FRMD4A: variants seen among roughly 807,000 people sequenced by gnomAD.
The protein encoded by FRMD4A is FERM domain containing 4A, also known as FERM domain-containing protein 4A.
Under a neutral mutation model 129.1 loss-of-function variants are expected in FRMD4A, and 29 were observed. The observed-to-expected ratio is 0.22, with a 90% CI of 0.17 to 0.31. The LOEUF is 0.31. FRMD4A is among the 10% of genes least tolerant of loss of function. The probability of loss-of-function intolerance (pLI) is 1.00; values close to 1 mark genes in which losing one functional copy is unlikely to be tolerated. For missense variants in FRMD4A, 1,272 were observed against 1,375.8 expected (o/e 0.92, Z 1.19); for synonymous variants, 634 against 571.6 (o/e 1.11, Z -1.56).
At chr10:14,284,195 C>T (rs1845609231) in intron 2 of FRMD4A, among the ~76,000 whole-genome samples, 1 of 152,122 alleles carries the variant, frequency 6.6e-6, no homozygotes, top group Non-Finnish European at 1.5e-5. Flanking sequence ...TATTAGATTG[C>T]TAATACTGTT....
At chr10:13,847,431 G>A (rs565963267) in intron 3 of FRMD4A, among the ~76,000 whole-genome samples, 5 of 152,276 alleles carry the variant, frequency 3.3e-5, no homozygotes, top group Admixed American at 2.0e-4. Context: ...CAGACCGTTC[G>A]CTTCCTCCCT....
At chr10:13,878,776 G>A (rs2094515602) in intron 2 of FRMD4A, among the ~76,000 whole-genome samples, 3 of 135,662 alleles carry the variant, frequency 2.2e-5, no homozygotes, top group South Asian at 5.4e-4. Flanking sequence ...AAAAGAAAGA[G>A]AGAGAGAGAG....
intron 2 of FRMD4A, among the ~76,000 whole-genome samples, chr10:13,957,669 G>T (rs1397985120): frequency 2.0e-5 from 3 of 152,204 alleles, no homozygotes; most frequent in East Asian, 3.8e-4. Context: ...TTAGAATCTA[G>T]CTGGCAACTG....
At chr10:13,862,018 T>C (rs1281409636) in intron 2 of FRMD4A, among the ~76,000 whole-genome samples, 1 of 152,152 alleles carries the variant, frequency 6.6e-6, no homozygotes, top group Non-Finnish European at 1.5e-5. Context: ...TCAGTTCTCA[T>C]TGGAAAGAAC....
chr10:14,105,029 C>T (rs1035731072), intron 2 of FRMD4A, among the ~76,000 whole-genome samples: 2 of 152,322 alleles, frequency 1.3e-5, no homozygotes, highest in South Asian at 2.1e-4. Context: ...GCCGCAGGGC[C>T]CTTCCATCAT....
At chr10:14,315,585 C>T (rs543264017) in intron 2 of FRMD4A, among the ~76,000 whole-genome samples, 29 of 152,210 alleles carry the variant, frequency 1.9e-4, no homozygotes, top group African/African-American at 6.7e-4. Flanking sequence ...TGTTCTCTTG[C>T]CTAAAGTTTT....
At chr10:14,320,414 C>T (rs1253771381) in intron 2 of FRMD4A, among the ~76,000 whole-genome samples, 1 of 152,156 alleles carries the variant, frequency 6.6e-6, no homozygotes, top group East Asian at 1.9e-4. Flanking sequence ...TTTAACATTT[C>T]CTCCTGAATT....
chr10:14,188,757 T>G (rs1012975255), intron 2 of FRMD4A, among the ~76,000 whole-genome samples: 1 of 152,052 alleles, frequency 6.6e-6, no homozygotes, highest in South Asian at 2.1e-4. Flanking sequence ...ATCAAAAAAT[T>G]AGCTGAGCAC....
At chr10:14,006,179 T>A (rs1453264210) in intron 2 of FRMD4A, among the ~76,000 whole-genome samples, 1 of 152,174 alleles carries the variant, frequency 6.6e-6, no homozygotes, top group African/African-American at 2.4e-5. Flanking sequence ...TACATTTCAA[T>A]TAGTTCCACT....
intron 2 of FRMD4A, among the ~76,000 whole-genome samples, chr10:14,307,495 T>C (rs954814242): frequency 6.6e-6 from 1 of 152,232 alleles, no homozygotes; most frequent in Non-Finnish European, 1.5e-5. Context: ...TTATTCTCTT[T>C]TTAATTCCAC....
intron 2 of FRMD4A, among the ~76,000 whole-genome samples, chr10:14,041,301 T>C (rs567109107): frequency 2.0e-5 from 3 of 152,360 alleles, no homozygotes; most frequent in Admixed American, 2.0e-4. Flanking sequence ...CTTATCTCTT[T>C]TTTCAAAAGG....
rs530766485 is a variant in FRMD4A at position 14,171,978 on chromosome 10, T to C, written c.45+158080A>G. Reference sequence around the variant, plus strand: ...CTTCTCTTCGGATAAATTAAAAATATCGCTGGGTAATTTCAACAACATTTG... The same window carrying C: ...CTTCTCTTCGGATAAATTAAAAATACCGCTGGGTAATTTCAACAACATTTG... On this transcript the variant is annotated intron_variant, in intron 2 of 24. Coordinates refer to ENST00000357447, the MANE Select transcript of FRMD4A (RefSeq NM_018027.5). 9.0e-4 allele frequency among the ~76,000 whole-genome samples: 137 copies of C among 152,326 alleles called. 1 individual carries two copies. The highest frequency in any genetic ancestry group is 3.3e-3 in the African/African-American group (137 of 41,572).
intron 3 of FRMD4A, among the ~76,000 whole-genome samples, chr10:13,830,076 G>C (rs2093765694): frequency 6.6e-6 from 1 of 152,018 alleles, no homozygotes; most frequent in South Asian, 2.1e-4. Flanking sequence ...CTTTCTCTTA[G>C]CCTTACATGT....
intron 2 of FRMD4A, among the ~76,000 whole-genome samples, chr10:14,107,292 C>T (rs1373928329): frequency 6.6e-6 from 1 of 152,122 alleles, no homozygotes; most frequent in Non-Finnish European, 1.5e-5. Flanking sequence ...TAACCCAAAC[C>T]TCAGTGTTAC....
intron 2 of FRMD4A, among the ~76,000 whole-genome samples, chr10:13,865,311 G>T (rs576964543): frequency 8.5e-4 from 130 of 152,284 alleles, no homozygotes; most frequent in Non-Finnish European, 1.7e-3. Flanking sequence ...ATTATTATCA[G>T]TTGTATGGTT....
intron 5 of FRMD4A, among the ~76,000 whole-genome samples, chr10:13,793,666 A>G (rs1341270599): frequency 6.6e-6 from 1 of 152,196 alleles, no homozygotes; most frequent in African/African-American, 2.4e-5. Context: ...GCTTCTGTTT[A>G]GAAACACACT....
At chr10:13,652,165 T>A in intron 23 of FRMD4A, 191 bp from the exon 24 acceptor site, 1 of 605,958 alleles carries the variant, frequency 1.7e-6, no homozygotes. Context: ...AAATACCTAG[T>A]TTGTTAGGAG....
intron 2 of FRMD4A, among the ~76,000 whole-genome samples, chr10:13,885,009 A>G (rs1268278531): frequency 6.6e-6 from 1 of 152,234 alleles, no homozygotes; most frequent in African/African-American, 2.4e-5. Flanking sequence ...ATCCCCCCAA[A>G]GTTAGCATCG....
intron 2 of FRMD4A, among the ~76,000 whole-genome samples, chr10:14,185,595 A>G (rs938549487): frequency 3.1e-4 from 46 of 148,322 alleles, no homozygotes; most frequent in Middle Eastern, 6.9e-3. Flanking sequence ...AGAAAGAGAA[A>G]CAGGTAGAGA....
Sources: allele counts gnomAD v4.1 joint callset (sites outside exome capture counted in the v4.1 genomes callset), GRCh38; gene constraint gnomAD v4.1.1; transcripts MANE v1.5; gene names NCBI Gene and HGNC (gene_info 2026-07-23, HGNC 2026-07-21).